PALD1: variants seen among roughly 807,000 people sequenced by gnomAD.
PALD1 encodes the protein phosphatase domain containing paladin 1, also known as paladin.
PALD1 carries 57 observed loss-of-function variants against 96.0 expected under a neutral mutation model. The observed-to-expected ratio is 0.59, with a 90% CI of 0.48 to 0.74. The LOEUF (loss-of-function observed/expected upper bound fraction) is 0.74, where lower values mean the gene tolerates loss of function less well. Ranked by LOEUF, PALD1 falls within the 30% of genes least tolerant of loss-of-function variation. The pLI is 0.00. For missense variants in PALD1, 1,063 were observed against 1,143.7 expected, an observed-to-expected ratio of 0.93 and a Z score of 1.02; for synonymous variants, 464 against 473.6, an observed-to-expected ratio of 0.98 and a Z score of 0.26.
At chr10:70,521,656 C>G (rs981560761) in intron 1 of PALD1, among the ~76,000 whole-genome samples, 4 of 151,582 alleles carry the variant, frequency 2.6e-5, no homozygotes, top group African/African-American at 9.7e-5. Flanking sequence ...CTCAGCCTCC[C>G]GAGTAGCTGG....
chr10:70,538,575 G>A (rs772881685), intron 12 of PALD1, among the ~76,000 whole-genome samples, 167 bp downstream of exon 12: 1 of 152,156 alleles, frequency 6.6e-6, no homozygotes, highest in African/African-American at 2.4e-5. Context: ...TCATGCTTAG[G>A]CCCCAGCAAG....
chr10:70,518,895 C>T (rs2132334989), intron 1 of PALD1, among the ~76,000 whole-genome samples: 1 of 152,314 alleles, frequency 6.6e-6, no homozygotes, highest in Non-Finnish European at 1.5e-5. Context: ...TAGCATAATT[C>T]CATACTGACA....
intron 1 of PALD1, among the ~76,000 whole-genome samples, chr10:70,490,746 C>CT (rs1846084212): frequency 6.6e-6 from 1 of 152,116 alleles, no homozygotes; most frequent in African/African-American, 2.4e-5. Flanking sequence ...TTTCTTGGGC[C>CT]TGTTGTATAG....
chr10:70,461,659 C>T, the PALD1 span, among the ~76,000 whole-genome samples: 14 of 152,168 alleles, frequency 9.2e-5, no homozygotes, highest in Admixed American at 2.0e-4. Context: ...ATGCAAATCC[C>T]GGGGCCCCCA....
intron 18 of PALD1, among the ~76,000 whole-genome samples, chr10:70,561,988 C>T (rs1022001092): frequency 2.6e-5 from 4 of 152,220 alleles, no homozygotes; most frequent in African/African-American, 9.6e-5. Context: ...ATCTTTGCAT[C>T]CCCAGTATGT....
chr10:70,484,002 T>G (rs573992720), intron 1 of PALD1, among the ~76,000 whole-genome samples: 1 of 152,240 alleles, frequency 6.6e-6, no homozygotes, highest in African/African-American at 2.4e-5. Context: ...AATATATTTT[T>G]TGTTTGTTTG....
intron 11 of PALD1, among the ~76,000 whole-genome samples, 184 bp from the exon 12 acceptor site, chr10:70,538,096 C>T (rs1012088267): frequency 3.9e-5 from 6 of 152,206 alleles, no homozygotes; most frequent in South Asian, 4.1e-4. Context: ...CTCTTTCCAC[C>T]GGGCCCTTGT....
chr10:70,477,819 G>A (rs1329086395), upstream of PALD1, among the ~76,000 whole-genome samples: 1 of 152,186 alleles, frequency 6.6e-6, no homozygotes, highest in African/African-American at 2.4e-5. Context: ...TGAGGCAGGT[G>A]GTAACAGGTG....
chr10:70,497,972 T>G (rs549080767), intron 1 of PALD1, among the ~76,000 whole-genome samples: 1 of 152,300 alleles, frequency 6.6e-6, no homozygotes, highest in East Asian at 1.9e-4. Flanking sequence ...AATTGTATAA[T>G]TTAATGTCAT....
chr10:70,472,370 C>T, the PALD1 span, among the ~76,000 whole-genome samples: 6 of 152,176 alleles, frequency 3.9e-5, no homozygotes. Context: ...AAGCGATTCT[C>T]CTGCCTCAGC....
At chr10:70,541,591 T>A in intron 17 of PALD1, 57 bp downstream of exon 17, 1 of 1,332,776 alleles carries the variant, frequency 7.5e-7, no homozygotes, top group Non-Finnish European at 1.1e-6. Flanking sequence ...GGAGGAGGAC[T>A]CCTGCTTGCC....
intron 1 of PALD1, among the ~76,000 whole-genome samples, chr10:70,501,828 T>TGA (rs1846301354): frequency 1.4e-5 from 2 of 145,210 alleles, no homozygotes; most frequent in Non-Finnish European, 3.1e-5. Context: ...TGTGTGTGTG[T>TGA]GTGTGTGCGT....
chr10:70,537,561 C>G (rs964623128), intron 10 of PALD1, among the ~76,000 whole-genome samples: 48 of 152,342 alleles, frequency 3.2e-4, no homozygotes, highest in Non-Finnish European at 1.3e-4. Flanking sequence ...TTGGGGAGAC[C>G]AGCCCTGCAC....
intron 18 of PALD1, among the ~76,000 whole-genome samples, chr10:70,563,619 G>A (rs950168545): frequency 2.6e-5 from 4 of 152,194 alleles, no homozygotes; most frequent in Admixed American, 6.5e-5. Context: ...CCTGTCCCCA[G>A]CCTTGGAGAG....
intron 4 of PALD1, among the ~76,000 whole-genome samples, chr10:70,530,670 T>G (rs1589198540): frequency 6.6e-6 from 1 of 152,056 alleles, no homozygotes; most frequent in African/African-American, 2.4e-5. Flanking sequence ...GCTTCTTGAG[T>G]GCAGCTGCAT....
At chr10:70,512,204 CGCT>C (rs971687302) in intron 1 of PALD1, among the ~76,000 whole-genome samples, 8 of 152,206 alleles carry the variant, frequency 5.3e-5, no homozygotes, top group African/African-American at 1.9e-4. Context: ...GGCCCCAGGT[CGCT>C]GCAAGGGAGG....
intron 18 of PALD1, among the ~76,000 whole-genome samples, chr10:70,556,557 A>G (rs926485697): frequency 4.6e-5 from 7 of 152,032 alleles, no homozygotes; most frequent in African/African-American, 1.7e-4. Context: ...GGCTCAAGTC[A>G]TCCTCTCGCC....
At chr10:70,488,925 T>C (rs1196248031) in intron 1 of PALD1, among the ~76,000 whole-genome samples, 1 of 150,544 alleles carries the variant, frequency 6.6e-6, no homozygotes, top group Non-Finnish European at 1.5e-5. Context: ...GGGGTCTGGG[T>C]GGATGTATCC....
intron 1 of PALD1, among the ~76,000 whole-genome samples, chr10:70,492,018 C>T (rs1372408066): frequency 6.6e-6 from 1 of 152,140 alleles, no homozygotes; most frequent in East Asian, 1.9e-4. Flanking sequence ...GTTGTTTCTA[C>T]CTTTTGGCTA....
Sources: gnomAD v4.1 joint callset for allele counts (sites outside exome capture counted in the v4.1 genomes callset) on GRCh38, gnomAD v4.1.1 for gene constraint, MANE v1.5 for transcripts, NCBI Gene and HGNC (gene_info 2026-07-23, HGNC 2026-07-21) for gene names.